The following TUB variants were observed in gnomAD, a reference collection of about 807,000 sequenced individuals.
TUB encodes TUB bipartite transcription factor.
In TUB, 33 loss-of-function variants were observed where a neutral mutation model predicts 59.7. That is an observed-to-expected ratio of 0.55 (90% CI 0.42 to 0.74). The LOEUF (loss-of-function observed/expected upper bound fraction) is 0.74, where lower values mean the gene tolerates loss of function less well. Among genes scored for constraint, TUB ranks in the 30% least tolerant of loss-of-function variants. The pLI is 0.00. For missense variants in TUB, 659 were observed against 672.0 expected (o/e 0.98, Z 0.21); for synonymous variants, 293 against 256.4 (o/e 1.14, Z -1.36).
chr11:8,077,964 T>C (rs371010216), upstream of TUB, among the ~76,000 whole-genome samples: 116 of 152,300 alleles, frequency 7.6e-4, no homozygotes, highest in South Asian at 0.024. Flanking sequence ...AGGGCCCAAT[T>C]TGAATGGATA....
chr11:8,043,478 T>A (rs1029495317), intron 2 of TUB, among the ~76,000 whole-genome samples: 4 of 152,220 alleles, frequency 2.6e-5, no homozygotes, highest in African/African-American at 9.6e-5. Context: ...AGTATTCTAA[T>A]GGAGATTGGA....
intron 8 of TUB, among the ~76,000 whole-genome samples, chr11:8,098,297 A>T (rs139117864): frequency 2.8e-3 from 424 of 152,234 alleles, no homozygotes; most frequent in African/African-American, 9.7e-3. Flanking sequence ...GGAACTGAGT[A>T]CCAGATTTGG....
At chr11:8,054,445 GGAGA>G (rs139244652) in intron 2 of TUB, among the ~76,000 whole-genome samples, 32 of 150,170 alleles carry the variant, frequency 2.1e-4, no homozygotes, top group South Asian at 6.4e-4. Context: ...GGCAAGGGCT[GGAGA>G]GAGAGAGAGA....
chr11:8,057,845 G>C (rs1343192798), intron 2 of TUB, among the ~76,000 whole-genome samples: 1 of 152,122 alleles, frequency 6.6e-6, no homozygotes, highest in Non-Finnish European at 1.5e-5. Context: ...TTACATCCCA[G>C]CCTTTGTATA....
At chr11:8,032,363 A>C (rs959660341) in intron 1 of TUB, among the ~76,000 whole-genome samples, 1 of 152,140 alleles carries the variant, frequency 6.6e-6, no homozygotes, top group Non-Finnish European at 1.5e-5. Context: ...GTTGGGATGA[A>C]GTTATTACTG....
intron 1 of TUB, among the ~76,000 whole-genome samples, chr11:8,031,805 G>A (rs1002718077): frequency 6.6e-6 from 1 of 152,224 alleles, no homozygotes; most frequent in African/African-American, 2.4e-5. Context: ...AACAGCTTGG[G>A]GGCCACAGGG....
In TUB at chr11:8,081,534, C is replaced by A. The variant is rs1240554344; in HGVS notation, c.24C>A (p.Asp8Glu). 1.3e-6 allele frequency: 2 copies of A among 1,551,758 alleles called. No individual in the cohort carries two copies. Among genetic ancestry groups the A allele is most frequent in the Admixed American group, 1.9e-5 (1 of 52,416 alleles). ...ACATGACTTCCAAGCCGCATTCCGA[C>A]TGGATTCCCTACAGGTACGCGGGCG... is the stretch of plus-strand genomic sequence containing the variant. MTSKPHS[D>E]WIPYSVLDDE... Residue 8 changes from aspartate (D) to glutamate (E), a missense_variant, in exon 1 of 12, where the codon GAC (aspartate) becomes GAA (glutamate). Asp to Glu is a conservative substitution (Grantham distance 45). Transcript: ENST00000299506.
chr11:8,081,190 A>C (rs1294711124), upstream of TUB, among the ~76,000 whole-genome samples: 1 of 151,154 alleles, frequency 6.6e-6, no homozygotes, highest in Non-Finnish European at 1.5e-5. Flanking sequence ...GAGAAGGGGC[A>C]GGCCGCCGCT....
At position 8,103,307 on chromosome 11, in the gene TUB, C is replaced by G. The variant is rs986992427; in HGVS notation, c.*1688C>G. On this transcript the variant is annotated 3_prime_UTR_variant, in exon 12 of 12. Transcript: ENST00000299506. ...ATTTACCCTGGTGGAGGCTTCTTGC[C>G]CAGATAGAGATCTGAAATTGGTGGG... The G allele has an allele frequency of 7.9e-5, 12 of 151,964 alleles. No homozygotes were observed. Among genetic ancestry groups the G allele is most frequent in the African/African-American group, 2.7e-4 (11 of 41,292 alleles). 9.4% of individuals were successfully genotyped at this position (151,964 alleles called of 1,614,324 possible).
chr11:8,105,955 G>A lies in TUB; in HGVS notation c.*4336G>A, dbSNP rs933485836. The A allele has an allele frequency of 6.6e-6, 1 of 152,104 alleles. No individual in the cohort carries two copies. Among genetic ancestry groups the A allele is most frequent in the Non-Finnish European group, 1.5e-5 (1 of 67,996 alleles). 9.4% of individuals were successfully genotyped at this position (152,104 alleles called of 1,614,324 possible). A position where few individuals can be genotyped will look rare whatever the true frequency, so the allele number is the denominator to read the frequency against. ...TGGGAACACAGCCAGTTTTCACAAT[G>A]CCTAGACTGTGTATGTCTATTTGCA... On this transcript the variant is annotated 3_prime_UTR_variant, in exon 12 of 12. Transcript: ENST00000299506.
chr11:8,081,441 AGGGCCCCCGCGCCGGCCCCTCC>A lies in TUB; in HGVS notation c.-62_-41del, dbSNP rs1476812548. 14 of 1,323,396 alleles carry A rather than the reference AGGGCCCCCGCGCCGGCCCCTCC, an allele frequency of 1.1e-5. No individual in the cohort carries two copies. Among genetic ancestry groups the A allele is most frequent in the East Asian group, 7.1e-5 (2 of 28,258 alleles). The allele number at this position is 1,323,396 out of a possible 1,614,324, so 82.0% of individuals were successfully genotyped here. On this transcript the variant is annotated 5_prime_UTR_variant, in exon 1 of 12. Transcript: ENST00000299506. ...GCCCGGGGCGGCCCGGGAGCTGAGCAGGGCCCCCGCGCCGGCCCCTCCGGGCCCCGGCCTCCAGAGCCGCAGC... is the reference window on the plus strand; with the variant it reads ...GCCCGGGGCGGCCCGGGAGCTGAGCAGGGCCCCGGCCTCCAGAGCCGCAGC...
chr11:8,048,150 T>A (rs1208754270), intron 2 of TUB, among the ~76,000 whole-genome samples: 1 of 152,220 alleles, frequency 6.6e-6, no homozygotes, highest in African/African-American at 2.4e-5. Flanking sequence ...CTAGGCCATT[T>A]ACACACATTA....
In TUB at chr11:8,062,232, G is replaced by GT. The variant is rs529943211; in HGVS notation, c.203+22541dup. 7.4e-5 allele frequency: 9 copies of GT among 121,264 alleles called. No individual in the cohort carries two copies. In the East Asian group the frequency reaches 2.3e-3, roughly 31 times the overall value. 7.5% of individuals were successfully genotyped at this position (121,264 alleles called of 1,614,324 possible). ...GGACGCAGCTTTATAAAATGACTCC[G>GT]TAAGTATGGCCTGGGCAGGTGGGGG... On this transcript the variant is annotated intron_variant, in intron 2 of 12. Coordinates refer to the TUB transcript ENST00000305253.
intron 10 of TUB, 89 bp from the exon 11 acceptor site, chr11:8,100,737 A>G: frequency 6.4e-7 from 1 of 1,573,724 alleles, no homozygotes; most frequent in Non-Finnish European, 8.7e-7. Flanking sequence ...AGGGAAATCC[A>G]AGGACCCCCA....
chr11:8,057,198 C>T (rs981030161), intron 2 of TUB, among the ~76,000 whole-genome samples: 45 of 152,166 alleles, frequency 3.0e-4, no homozygotes, highest in African/African-American at 9.9e-4. Context: ...GAATCGATTG[C>T]GCAATAAAGG....
chr11:8,083,010 G>A (rs564884425), intron 1 of TUB, among the ~76,000 whole-genome samples: 5 of 152,346 alleles, frequency 3.3e-5, no homozygotes, highest in African/African-American at 1.2e-4. Context: ...ATGGAACCAG[G>A]GACTGGGGCT....
chr11:8,020,993 TA>T (rs1335631511), intron 1 of TUB, among the ~76,000 whole-genome samples: 1 of 151,756 alleles, frequency 6.6e-6, no homozygotes, highest in African/African-American at 2.4e-5. Context: ...GAGAAAAACT[TA>T]AAGTTGAGCT....
At chr11:8,071,063 G>T (rs1264302335) in intron 2 of TUB, among the ~76,000 whole-genome samples, 1 of 152,152 alleles carries the variant, frequency 6.6e-6, no homozygotes, top group Admixed American at 6.5e-5. Context: ...ACAGCCCAAG[G>T]CATACAGGTG....
chr11:8,090,572 T>C (rs949196789), intron 3 of TUB, among the ~76,000 whole-genome samples: 5 of 152,226 alleles, frequency 3.3e-5, no homozygotes, highest in African/African-American at 4.8e-5. Flanking sequence ...CCCACCAGTA[T>C]TCTACATTCT....
Sources: gnomAD v4.1 joint callset for allele counts (sites outside exome capture counted in the v4.1 genomes callset) on GRCh38, gnomAD v4.1.1 for gene constraint, MANE v1.5 for transcripts, NCBI Gene and HGNC (gene_info 2026-07-23, HGNC 2026-07-21) for gene names.